The following DAPK2 variants were observed in gnomAD, a reference collection of about 807,000 sequenced individuals.
DAPK2 encodes the protein death associated protein kinase 2.
Under a neutral mutation model 44.1 loss-of-function variants are expected in DAPK2, and 35 were observed. That is an observed-to-expected ratio of 0.79 (90% CI 0.61 to 1.05). The LOEUF (loss-of-function observed/expected upper bound fraction) is 1.05. Among genes scored for constraint, DAPK2 ranks in the 50% least tolerant of loss-of-function variants. The probability of loss-of-function intolerance (pLI) is 0.00; values close to 1 mark genes in which losing one functional copy is unlikely to be tolerated. For missense variants in DAPK2, 453 were observed against 483.2 expected, an observed-to-expected ratio of 0.94 and a Z score of 0.59; for synonymous variants, 174 against 182.6, an observed-to-expected ratio of 0.95 and a Z score of 0.38.
intron 10 of DAPK2, among the ~76,000 whole-genome samples, chr15:63,910,073 G>T (rs2078748309): frequency 6.6e-6 from 1 of 152,234 alleles, no homozygotes; most frequent in Admixed American, 6.5e-5. Context: ...TTTAGCTTGA[G>T]TCAGAGCCAA....
Position 63,908,703 on chromosome 15 carries a change from C to A in DAPK2, c.1033-103G>T. ...GGGTTGATTCACCTGGACCACGGGA[C>A]TACAAGCCAGGGAGGTGGGTGGTGA... On this transcript the variant is annotated intron_variant, in intron 10 of 10. Coordinates refer to ENST00000261891, the Ensembl canonical transcript of DAPK2. This position sits in a 1 kb window ranked among gnomAD's most constrained non-coding sequence, Gnocchi z 5.7. The A allele has an allele frequency of 1.1e-6, 1 of 936,394 alleles. No individual in the cohort carries two copies. The highest frequency in any genetic ancestry group is 1.7e-5 in the African/African-American group (1 of 58,668). The allele number at this position is 936,394 out of a possible 1,614,324, so 58.0% of individuals were successfully genotyped here. A position where few individuals can be genotyped will look rare whatever the true frequency, so the allele number is the denominator to read the frequency against.
chr15:63,941,496 T>C (rs902813024), intron 3 of DAPK2, among the ~76,000 whole-genome samples: 5 of 152,212 alleles, frequency 3.3e-5, no homozygotes, highest in Non-Finnish European at 5.9e-5. Context: ...ACCCTAGCTG[T>C]TAGCTGAACT....
Position 63,930,420 on chromosome 15 carries a change from C to CCAGA in DAPK2, c.615_618dup (p.Glu207SerfsTer4), listed in dbSNP as rs1447849047. On this transcript the variant is annotated frameshift_variant, in exon 5 of 11. Transcript: ENST00000261891. LOFTEE classifies it high-confidence loss of function. ...TATCCAACTTACCACATGTCAGCCT[C>CCAGA]CAGACCCAGGGGCTCGTAGTTCACA... 6.2e-7 allele frequency: 1 copy of CCAGA among 1,614,202 alleles called. No homozygotes were observed. Among genetic ancestry groups the CCAGA allele is most frequent in the Admixed American group, 1.7e-5 (1 of 60,022 alleles).
intron 1 of DAPK2, among the ~76,000 whole-genome samples, chr15:63,995,677 C>T (rs2078934033): frequency 6.6e-6 from 1 of 152,216 alleles, no homozygotes; most frequent in Non-Finnish European, 1.5e-5. Flanking sequence ...TCCCTTGTCC[C>T]CCTGACCTGG....
intron 5 of DAPK2, chr15:63,929,865 T>A: frequency 1.7e-6 from 1 of 582,686 alleles, no homozygotes; most frequent in East Asian, 3.6e-5. Flanking sequence ...CTCGGAGCCC[T>A]TCCCCCCTTG....
intron 3 of DAPK2, among the ~76,000 whole-genome samples, chr15:63,969,894 T>A (rs967862391): frequency 6.6e-6 from 1 of 152,158 alleles, no homozygotes; most frequent in African/African-American, 2.4e-5. Flanking sequence ...CACTGTGAGA[T>A]AATGGACATG....
At chr15:63,942,083 C>T (rs781292016) in intron 3 of DAPK2, 14 of 379,030 alleles carry the variant, frequency 3.7e-5, no homozygotes, top group Non-Finnish European at 4.7e-5. Flanking sequence ...TCACACCACA[C>T]GCTGAATGGG....
chr15:64,003,637 G>T (rs539145144), intron 1 of DAPK2, among the ~76,000 whole-genome samples: 2 of 151,760 alleles, frequency 1.3e-5, no homozygotes, highest in African/African-American at 4.8e-5. Flanking sequence ...ACAGAGTCTT[G>T]CTCTGTCACC....
intron 3 of DAPK2, among the ~76,000 whole-genome samples, 189 bp downstream of exon 4, chr15:63,971,234 T>C (rs2078203183): frequency 6.6e-6 from 1 of 152,152 alleles, no homozygotes; most frequent in Non-Finnish European, 1.5e-5. Flanking sequence ...GCAGAAAACC[T>C]GTTATGAAAA....
At chr15:64,026,160 G>A (rs2079838882) in intron 1 of DAPK2, among the ~76,000 whole-genome samples, 1 of 152,168 alleles carries the variant, frequency 6.6e-6, no homozygotes, top group Admixed American at 6.5e-5. Context: ...AAGCTGCCGG[G>A]GTCTCACATG....
chr15:63,929,482 C>A (rs558436571), intron 6 of DAPK2, 69 bp downstream of exon 7: 198 of 1,592,800 alleles, frequency 1.2e-4, no homozygotes, highest in Middle Eastern at 5.0e-4. Context: ...ATCAGCCTGC[C>A]CCTCTCTCAT....
intron 4 of DAPK2, among the ~76,000 whole-genome samples, chr15:63,936,888 G>C (rs1287452120): frequency 2.0e-5 from 3 of 151,378 alleles, no homozygotes; most frequent in Non-Finnish European, 2.9e-5. Context: ...GCTGAGGTGG[G>C]AGGATTACTT....
chr15:63,996,657 T>G (rs1035275003), intron 1 of DAPK2, among the ~76,000 whole-genome samples: 1 of 152,114 alleles, frequency 6.6e-6, no homozygotes, highest in African/African-American at 2.4e-5. Context: ...CACTGCAGCG[T>G]TCACTCCAGG....
At chr15:63,982,338 C>A (rs1204054175) in intron 2 of DAPK2, among the ~76,000 whole-genome samples, 2 of 151,956 alleles carry the variant, frequency 1.3e-5, no homozygotes, top group Admixed American at 1.3e-4. Flanking sequence ...TTACAGACAC[C>A]TGCCACCACA....
chr15:64,019,798 C>T (rs1317488475), intron 1 of DAPK2, among the ~76,000 whole-genome samples: 2 of 152,202 alleles, frequency 1.3e-5, no homozygotes, highest in African/African-American at 4.8e-5. Context: ...GCTTCCTTGT[C>T]TTGTTTTCCA....
intron 2 of DAPK2, among the ~76,000 whole-genome samples, chr15:63,973,170 A>G (rs1403278082): frequency 6.6e-6 from 1 of 152,154 alleles, no homozygotes; most frequent in East Asian, 1.9e-4. Context: ...CAGACATACC[A>G]GGTGTGGCTC....
chr15:63,923,360 C>G lies in DAPK2; in HGVS notation c.858+1456G>C, dbSNP rs1156578950. 9.8e-6 allele frequency: 15 copies of G among 1,529,488 alleles called. No homozygotes were observed. The South Asian group carries it at 1.7e-4, about 17-fold the overall frequency. 94.7% of individuals were successfully genotyped at this position (1,529,488 alleles called of 1,614,324 possible). On this transcript the variant is annotated intron_variant, in intron 8 of 10. Coordinates refer to ENST00000261891, the Ensembl canonical transcript of DAPK2. The surrounding 1 kb of genome is among the most constrained non-coding windows in gnomAD (Gnocchi z 4.2). ...TCCTTTTGACTGGTGGGTGTTCAGA[C>G]AGAAGAATCAGAGTGTTAATTTGCC...
At chr15:63,922,577 C>T (rs1033642294) in intron 8 of DAPK2, 67 of 1,412,890 alleles carry the variant, frequency 4.7e-5, no homozygotes, top group Non-Finnish European at 5.6e-5. Flanking sequence ...GAAGAATTAA[C>T]TGGCACCTCA....
intron 3 of DAPK2, among the ~76,000 whole-genome samples, chr15:63,950,481 G>T (rs2077557325): frequency 6.6e-6 from 1 of 151,700 alleles, no homozygotes; most frequent in South Asian, 2.1e-4. Flanking sequence ...GCCTCCCAAA[G>T]TGCTGGGATT....
Sources: allele counts gnomAD v4.1 joint callset (sites outside exome capture counted in the v4.1 genomes callset), GRCh38; gene constraint gnomAD v4.1.1; non-coding constraint Gnocchi (gnomAD v3.1); transcripts MANE v1.5; gene names NCBI Gene and HGNC (gene_info 2026-07-23, HGNC 2026-07-21).